UHRF2: variants seen among roughly 807,000 people sequenced by gnomAD.
The protein encoded by UHRF2 is E3 ubiquitin-protein ligase UHRF2.
A neutral mutation model predicts 96.8 loss-of-function variants in UHRF2; 23 were observed. The observed-to-expected ratio is 0.24, with a 90% CI of 0.17 to 0.34. The LOEUF (loss-of-function observed/expected upper bound fraction) is 0.34, where lower values mean the gene tolerates loss of function less well. Ranked by LOEUF, UHRF2 falls within the 10% of genes least tolerant of loss-of-function variation. The pLI is 1.00. For synonymous variants in UHRF2, 385 were observed against 332.6 expected (o/e 1.16, Z -1.72); for missense variants, 685 against 981.5 (o/e 0.70, Z 4.04).
At chr9:6,472,701 A>T (rs1272347338) in intron 4 of UHRF2, among the ~76,000 whole-genome samples, 1 of 152,262 alleles carries the variant, frequency 6.6e-6, no homozygotes, top group African/African-American at 2.4e-5. Flanking sequence ...AGTTAGCTAT[A>T]TTATAACTAA....
chr9:6,459,709 C>T (rs913608932), intron 3 of UHRF2, among the ~76,000 whole-genome samples: 2 of 152,218 alleles, frequency 1.3e-5, no homozygotes, highest in African/African-American at 4.8e-5. Flanking sequence ...CATGGTGGCT[C>T]ATGCCGGTAG....
intron 10 of UHRF2, 169 bp downstream of exon 10, chr9:6,494,101 CT>C (rs1219762443): frequency 1.1e-5 from 6 of 549,092 alleles, no homozygotes; most frequent in Non-Finnish European, 1.9e-5. Context: ...CCTAACATAT[CT>C]TTATACTGTT....
chr9:6,469,632 G>A (rs928352931), intron 4 of UHRF2, among the ~76,000 whole-genome samples: 2 of 148,826 alleles, frequency 1.3e-5, no homozygotes, highest in Non-Finnish European at 3.0e-5. Context: ...GTACAAGAGT[G>A]TTAGACACAT....
Position 6,413,283 on chromosome 9 carries a change from G to A in UHRF2, c.-208G>A, listed in dbSNP as rs575081540. The A allele has an allele frequency of 3.7e-4, 91 of 246,620 alleles. No individual in the cohort carries two copies. The highest frequency in any genetic ancestry group is 1.4e-3 in the African/African-American group (61 of 43,784). 15.3% of individuals were successfully genotyped at this position (246,620 alleles called of 1,614,324 possible). On this transcript the variant is annotated 5_prime_UTR_variant, in exon 1 of 16. Transcript: ENST00000276893. ...GCGGCAGCGCCTCAGAGTGGTTCCG[G>A]TCGTCTCTCCTCAAGTCGGCTAGTC...
intron 2 of UHRF2, among the ~76,000 whole-genome samples, chr9:6,432,423 C>A (rs926891180): frequency 1.3e-5 from 2 of 152,092 alleles, no homozygotes; most frequent in Admixed American, 6.5e-5. Flanking sequence ...TTTGAAGTTC[C>A]TGTATACCTG....
chr9:6,467,442 A>G (rs1391549133), intron 4 of UHRF2, among the ~76,000 whole-genome samples: 1 of 152,064 alleles, frequency 6.6e-6, no homozygotes, highest in Non-Finnish European at 1.5e-5. Context: ...TGGAATTAGG[A>G]CATGAACCTC....
chr9:6,463,496 G>C (rs1005219886), intron 4 of UHRF2, among the ~76,000 whole-genome samples: 4 of 151,306 alleles, frequency 2.6e-5, no homozygotes, highest in Non-Finnish European at 5.9e-5. Flanking sequence ...TGGGAGATGG[G>C]GTCTCGCTCT....
intron 2 of UHRF2, among the ~76,000 whole-genome samples, chr9:6,430,593 C>T (rs1469709719): frequency 6.6e-6 from 1 of 152,028 alleles, no homozygotes; most frequent in Non-Finnish European, 1.5e-5. Context: ...CGAGTCCATG[C>T]ACTTAACTAC....
At chr9:6,428,812 G>A (rs926657082) in intron 2 of UHRF2, among the ~76,000 whole-genome samples, 16 of 151,992 alleles carry the variant, frequency 1.1e-4, no homozygotes, top group African/African-American at 3.9e-4. Flanking sequence ...TCCTCCCAAA[G>A]TGCTGGGATT....
At chr9:6,482,967 TG>T (rs953276581) in intron 8 of UHRF2, among the ~76,000 whole-genome samples, 2 of 152,162 alleles carry the variant, frequency 1.3e-5, no homozygotes, top group Non-Finnish European at 2.9e-5. Flanking sequence ...ACTTATCCCT[TG>T]GTATCTGTCG....
At chr9:6,436,913 A>G (rs769214346) in intron 3 of UHRF2, among the ~76,000 whole-genome samples, 3 of 152,244 alleles carry the variant, frequency 2.0e-5, no homozygotes, top group African/African-American at 7.2e-5. Context: ...CGATAGCTGA[A>G]CTTTCTTTGA....
chr9:6,502,991 TTTTG>T (rs1031328755), intron 14 of UHRF2, among the ~76,000 whole-genome samples: 20 of 152,270 alleles, frequency 1.3e-4, no homozygotes, highest in African/African-American at 3.1e-4. Context: ...TGTAAGGTTT[TTTTG>T]TTTGTTTGTT....
chr9:6,437,247 T>C (rs879317037), intron 3 of UHRF2, among the ~76,000 whole-genome samples: 1 of 152,214 alleles, frequency 6.6e-6, no homozygotes, highest in Non-Finnish European at 1.5e-5. Context: ...TTATTATTAT[T>C]TTTTAGACAG....
chr9:6,483,514 A>AT (rs1291203046), intron 8 of UHRF2, among the ~76,000 whole-genome samples: 1 of 152,082 alleles, frequency 6.6e-6, no homozygotes, highest in Non-Finnish European at 1.5e-5. Flanking sequence ...GTCTGGACAG[A>AT]TTCAGTACAG....
At chr9:6,482,239 C>T in intron 8 of UHRF2, 140 bp downstream of exon 8, 4 of 711,172 alleles carry the variant, frequency 5.6e-6, no homozygotes, top group Non-Finnish European at 7.1e-6. Flanking sequence ...GATGGGTGTA[C>T]TCTTCCTGGA....
intron 1 of UHRF2, chr9:6,413,874 G>C: frequency 2.3e-6 from 1 of 436,726 alleles, no homozygotes; most frequent in Non-Finnish European, 3.8e-6. Flanking sequence ...TCAGAAGTGA[G>C]GGCGTCCGGA....
Position 6,481,665 on chromosome 9 carries a change from G to T in UHRF2, c.1183G>T (p.Asp395Tyr). The change falls in exon 7 of 16, where the codon GAT (aspartate) becomes TAT (tyrosine). Residue 395 changes from aspartate to tyrosine, a missense_variant. By Grantham distance (160) the Asp-to-Tyr change is radical. Transcript: ENST00000276893. ...AAGGTATTGTCCTTCTTGTAAAACT[G>T]ATTCCAGTGAAGTTGTAAAGGCTGG... ...EYWYCPSCKT[D>Y]SSEVVKAGER... 6.2e-7 allele frequency: 1 copy of T among 1,613,164 alleles called. No homozygotes were observed. Among genetic ancestry groups the T allele is most frequent in the South Asian group, 1.1e-5 (1 of 90,954 alleles).
At chr9:6,490,137 G>T (rs1824571000) in intron 9 of UHRF2, among the ~76,000 whole-genome samples, 1 of 152,204 alleles carries the variant, frequency 6.6e-6, no homozygotes, top group Admixed American at 6.5e-5. Context: ...CTGAGCAATT[G>T]TATTTGATCT....
chr9:6,505,951 G>A (rs1390350899), intron 15 of UHRF2, 82 bp from the exon 16 acceptor site: 2 of 1,447,004 alleles, frequency 1.4e-6, no homozygotes, highest in African/African-American at 2.8e-5. Flanking sequence ...CCAGTTTCTG[G>A]TTCCTATTTA....
Sources: gnomAD v4.1 joint callset for allele counts (sites outside exome capture counted in the v4.1 genomes callset) on GRCh38, gnomAD v4.1.1 for gene constraint, MANE v1.5 for transcripts, NCBI Gene and HGNC (gene_info 2026-07-23, HGNC 2026-07-21) for gene names.